Variants in IFT140 observed in about 807,000 individuals in gnomAD.
IFT140 encodes intraflagellar transport protein 140 homolog.
In IFT140, 133 loss-of-function variants were observed where a neutral mutation model predicts 164.6. The ratio of observed to expected loss-of-function variants is 0.81; its 90% CI spans 0.70 to 0.93. The LOEUF (loss-of-function observed/expected upper bound fraction) is 0.93, where lower values mean the gene tolerates loss of function less well. Ranked by LOEUF, IFT140 falls within the 40% of genes least tolerant of loss-of-function variation. The probability of loss-of-function intolerance (pLI) is 0.00; values close to 1 mark genes in which losing one functional copy is unlikely to be tolerated. For missense variants in IFT140, 2,045 were observed against 1,972.3 expected, an observed-to-expected ratio of 1.04 and a Z score of -0.70; for synonymous variants, 860 against 817.3, an observed-to-expected ratio of 1.05 and a Z score of -0.89.
chr16:1,534,954 T>C (rs1596320377), intron 19 of IFT140, among the ~76,000 whole-genome samples: 3 of 152,262 alleles, frequency 2.0e-5, no homozygotes, highest in Middle Eastern at 3.4e-3. Context: ...TCTGTAATCC[T>C]AGCGCTTTGG....
At chr16:1,557,906 C>G in intron 19 of IFT140, 29 bp downstream of exon 19, 1 of 1,607,138 alleles carries the variant, frequency 6.2e-7, no homozygotes, top group Non-Finnish European at 8.5e-7. Flanking sequence ...CGCGCTATCT[C>G]CCAACATCCC....
chr16:1,586,788 C>T (rs2034906707), intron 9 of IFT140, among the ~76,000 whole-genome samples: 1 of 152,204 alleles, frequency 6.6e-6, no homozygotes, highest in South Asian at 2.1e-4. Flanking sequence ...GTCACTGCAG[C>T]CTCAACCTCC....
chr16:1,512,371 G>A (rs185554768), intron 30 of IFT140, among the ~76,000 whole-genome samples: 1 of 152,206 alleles, frequency 6.6e-6, no homozygotes, highest in Admixed American at 6.5e-5. Context: ...AGGAGCTGTG[G>A]CCTGGGTGAG....
intron 14 of IFT140, 46 bp downstream of exon 14, chr16:1,571,357 CCTGA>C (rs763784316): frequency 7.6e-6 from 12 of 1,589,010 alleles, no homozygotes; most frequent in Non-Finnish European, 9.4e-6. Context: ...CACACTGTCT[CCTGA>C]CTGACTAAAA....
At position 1,526,763 on chromosome 16, in the gene IFT140, G is replaced by A. The variant is rs756784917; in HGVS notation, c.2433C>T (p.Cys811=). The A allele has an allele frequency of 2.5e-5, 41 of 1,610,284 alleles. No individual in the cohort carries two copies. In the South Asian group the frequency reaches 2.7e-4, roughly 10 times the overall value. The change falls in exon 20 of 31, where the codon TGC becomes TGT. Residue 811 remains cysteine (C), a synonymous_variant. Coordinates refer to ENST00000426508, the MANE Select transcript of IFT140 (RefSeq NM_014714.4). Reference sequence around the variant, plus strand: ...CCACGTCCAGCCGCTGGGTCTTCACGCACATGCGCGCCATGTTCTCCCAGA... The same window carrying A: ...CCACGTCCAGCCGCTGGGTCTTCACACACATGCGCGCCATGTTCTCCCAGA... ...EAVWENMARM[C]VKTQRLDVAK...
intron 4 of IFT140, among the ~76,000 whole-genome samples, chr16:1,595,688 T>C (rs1265327357): frequency 6.6e-6 from 1 of 152,008 alleles, no homozygotes; most frequent in Non-Finnish European, 1.5e-5. Context: ...GGCATGTAAG[T>C]ACACGTCATA....
rs1420433642 is a variant in IFT140, at chr16:1,533,871, T to C, written c.2400-7075A>G. 3.6e-6 allele frequency: 1 copy of C among 276,498 alleles called. No homozygotes were observed. Among genetic ancestry groups the C allele is most frequent in the African/African-American group, 2.3e-5 (1 of 42,578 alleles). The allele number at this position is 276,498 out of a possible 1,614,324, so 17.1% of individuals were successfully genotyped here. A position where few individuals can be genotyped will look rare whatever the true frequency, so the allele number is the denominator to read the frequency against. Reference sequence around the variant, plus strand: ...CACAGCAGGCCGGTGCTAAGGAGTGTGGCGCGGGCTCGACTCCCACTGCTG... The same window carrying C: ...CACAGCAGGCCGGTGCTAAGGAGTGCGGCGCGGGCTCGACTCCCACTGCTG... On this transcript the variant is annotated intron_variant, in intron 19 of 30. Transcript: ENST00000426508. This position sits in a 1 kb window ranked among gnomAD's most constrained non-coding sequence, Gnocchi z 4.7.
Position 1,524,891 on chromosome 16 carries a change from A to G in IFT140, c.2890T>C (p.Tyr964His), listed in dbSNP as rs1169532936. The G allele has an allele frequency of 1.2e-6, 2 of 1,609,898 alleles. No homozygotes were observed. The highest frequency in any genetic ancestry group is 1.3e-5 in the African/African-American group (1 of 74,848). Residue 964 changes from tyrosine (Y) to histidine (H), a missense_variant, in exon 23 of 31, where the codon TAC becomes CAC. Tyr to His is a moderately conservative substitution (Grantham distance 83). Transcript: ENST00000426508. ...TCCATCTCGCCCTGGCTCTCCAGGT[A>G]CTGCGCCCACCACCGCCACAGGGTC... ...DKTLWRWWAQ[Y>H]LESQGEMDAA...
intron 17 of IFT140, among the ~76,000 whole-genome samples, chr16:1,563,378 G>C (rs947827114): frequency 6.6e-6 from 1 of 150,564 alleles, no homozygotes; most frequent in Admixed American, 6.6e-5. Context: ...CACTCCGCCT[G>C]GGAGGCGGAG....
In IFT140 at chr16:1,512,134, A is replaced by G. The variant is rs1190161860; in HGVS notation, c.4183-984T>C. Among the ~76,000 whole-genome samples, 4 of 126,862 alleles carry G rather than the reference A, an allele frequency of 3.2e-5. No individual in the cohort carries two copies. In the Admixed American group the frequency reaches 3.5e-4, roughly 11 times the overall value. 83.2% of individuals were successfully genotyped at this position (126,862 alleles called of 152,430 possible). A position where few individuals can be genotyped will look rare whatever the true frequency, so the allele number is the denominator to read the frequency against. On this transcript the variant is annotated intron_variant, in intron 30 of 30. Coordinates refer to ENST00000426508, the MANE Select transcript of IFT140 (RefSeq NM_014714.4). The stretch of plus-strand genomic sequence containing the variant: ...CGGGTGAGGGGTGGTGGGGGGCAGG[A>G]CAGGCGGCATAGGTGGGTGAGGGGT...
At position 1,608,914 on chromosome 16, in the gene IFT140, G is replaced by T. The variant is rs552449853; in HGVS notation, c.-31-1617C>A. 7.2e-5 allele frequency among the ~76,000 whole-genome samples: 11 copies of T among 152,144 alleles called. No homozygotes were observed. The South Asian group carries it at 2.3e-3, about 32-fold the overall frequency. ...CTCATGCCTGTAATCCCAGCACTTT[G>T]GGAGGCCGAGGCGGGTGGATCACAA... On this transcript the variant is annotated intron_variant, in intron 2 of 30. Transcript: ENST00000426508.
chr16:1,540,063 C>T (rs902614154), intron 19 of IFT140, among the ~76,000 whole-genome samples: 18 of 152,154 alleles, frequency 1.2e-4, no homozygotes, highest in African/African-American at 3.6e-4. Context: ...GTGGGTAGGA[C>T]GGCGGGGGGA....
intron 29 of IFT140, among the ~76,000 whole-genome samples, chr16:1,518,711 G>C (rs1478273834): frequency 6.6e-6 from 1 of 151,828 alleles, no homozygotes; most frequent in African/African-American, 2.4e-5. Context: ...GAGGCGCACG[G>C]CACCCCTTGC....
In IFT140 at chr16:1,524,407, G is replaced by A. The variant is rs114508010; in HGVS notation, c.3141+145C>T. The stretch of plus-strand genomic sequence containing the variant: ...CAGGGGTGGGCAGAGGGGTGGGCGG[G>A]TGAGGCAGACGGGGTGAGCAGTGAG... On this transcript the variant is annotated intron_variant, in intron 24 of 30. Coordinates refer to ENST00000426508, the MANE Select transcript of IFT140 (RefSeq NM_014714.4). 941 of 1,089,646 alleles carry A rather than the reference G, an allele frequency of 8.6e-4. 5 individuals are homozygous for A. The African/African-American group carries it at 0.013, about 15-fold the overall frequency. The allele number at this position is 1,089,646 out of a possible 1,614,324, so 67.5% of individuals were successfully genotyped here.
At chr16:1,575,541 A>C (rs1282397656) in intron 13 of IFT140, among the ~76,000 whole-genome samples, 1 of 152,152 alleles carries the variant, frequency 6.6e-6, no homozygotes, top group Non-Finnish European at 1.5e-5. Context: ...ACAAAGTGAG[A>C]CCCTGTTTCT....
chr16:1,526,318 C>A, intron 20 of IFT140: 1 of 591,748 alleles, frequency 1.7e-6, no homozygotes, highest in South Asian at 2.0e-5. Context: ...CCACAGCCCC[C>A]CCTCCCACAG....
intron 19 of IFT140, chr16:1,534,630 C>T (rs1432253095): frequency 1.9e-6 from 3 of 1,584,798 alleles, no homozygotes; most frequent in African/African-American, 1.3e-5. Context: ...TAGGCGCGGA[C>T]CTGGTGAGCG....
intron 6 of IFT140, among the ~76,000 whole-genome samples, chr16:1,591,516 G>A (rs1281001412): frequency 6.6e-5 from 10 of 152,142 alleles, no homozygotes; most frequent in East Asian, 5.8e-4. Flanking sequence ...CCCGAGACCC[G>A]GCCACCTCTG....
rs192256907 is a variant in IFT140, at chr16:1,510,515, G to A, written c.*429C>T. The A allele has an allele frequency of 7.0e-5, 17 of 244,530 alleles. No individual in the cohort carries two copies. In the East Asian group the frequency reaches 2.1e-3, roughly 30 times the overall value. 15.1% of individuals were successfully genotyped at this position (244,530 alleles called of 1,614,324 possible). A position where few individuals can be genotyped will look rare whatever the true frequency, so the allele number is the denominator to read the frequency against. ...GCAGGGGGTGCAGCCGCCAAGGCCC[G>A]GGTGTCCCAGCTGTTGCTCAGGAGC... On this transcript the variant is annotated 3_prime_UTR_variant, in exon 31 of 31. Coordinates refer to ENST00000426508, the MANE Select transcript of IFT140 (RefSeq NM_014714.4).
Sources: gnomAD v4.1 joint callset for allele counts (sites outside exome capture counted in the v4.1 genomes callset) on GRCh38, gnomAD v4.1.1 for gene constraint, Gnocchi (gnomAD v3.1) non-coding constraint, MANE v1.5 for transcripts, NCBI Gene and HGNC (gene_info 2026-07-23, HGNC 2026-07-21) for gene names.